Variants in ELP2 observed in about 807,000 individuals in gnomAD.
ELP2 encodes elongator complex protein 2.
ELP2 carries 90 observed loss-of-function variants against 119.2 expected under a neutral mutation model. The ratio of observed to expected loss-of-function variants is 0.75; its 90% confidence interval spans 0.64 to 0.90. ELP2 has a LOEUF of 0.90. Among genes scored for constraint, ELP2 ranks in the 40% least tolerant of loss-of-function variants. The probability of loss-of-function intolerance (pLI) is 0.00; values close to 1 mark genes in which losing one functional copy is unlikely to be tolerated. For missense variants in ELP2, 921 were observed against 967.8 expected (o/e 0.95, Z 0.64); for synonymous variants, 339 against 331.0 (o/e 1.02, Z -0.26).
Position 36,167,304 on chromosome 18 carries a change from C to G in ELP2, c.2076+82C>G, listed in dbSNP as rs533596199. The G allele has an allele frequency of 5.6e-5, 61 of 1,080,302 alleles. No homozygotes were observed. The African/African-American group carries it at 8.0e-4, about 14-fold the overall frequency. 66.9% of individuals were successfully genotyped at this position (1,080,302 alleles called of 1,614,324 possible). ...ATGTTTGAATAAAAAATGCATAATC[C>G]TGCCTTTCTGTTACAGCTTTTAAAA... On this transcript the variant is annotated intron_variant, in intron 19 of 21. Transcript: ENST00000358232.
chr18:36,159,896 A>T, intron 15 of ELP2, 62 bp from the exon 16 acceptor site: 2 of 1,603,450 alleles, frequency 1.2e-6, no homozygotes. Context: ...ATTGCTGCTG[A>T]CCTAAATAAG....
In ELP2 at chr18:36,138,790, C is replaced by T; in HGVS notation, c.446-5C>T. 5 of 1,612,332 alleles carry T rather than the reference C, an allele frequency of 3.1e-6. No individual in the cohort carries two copies. Among genetic ancestry groups the T allele is most frequent in the Non-Finnish European group, 4.2e-6 (5 of 1,178,532 alleles). The stretch of plus-strand genomic sequence containing the variant: ...TTGTTCATTGTGTTTTTTATTATTT[C>T]TTAGTAATGTGCCTTCAGACTTTAA... On this transcript the variant is annotated splice_polypyrimidine_tract_variant and splice_region_variant and intron_variant, in intron 4 of 21. Coordinates refer to ENST00000358232, the MANE Select transcript of ELP2 (RefSeq NM_018255.4).
chr18:36,176,359 C>G lies in ELP2; in HGVS notation c.*1718C>G, dbSNP rs535344541. 3.3e-5 allele frequency: 5 copies of G among 152,284 alleles called. No homozygotes were observed. The highest frequency in any genetic ancestry group is 1.2e-4 in the African/African-American group (5 of 41,536). The allele number at this position is 152,284 out of a possible 1,614,324, so 9.4% of individuals were successfully genotyped here. A position where few individuals can be genotyped will look rare whatever the true frequency, so the allele number is the denominator to read the frequency against. On this transcript the variant is annotated 3_prime_UTR_variant, in exon 22 of 22. Coordinates refer to ENST00000358232, the MANE Select transcript of ELP2 (RefSeq NM_018255.4). ...AACCTCAAAGACCAAAATGCCCTGC[C>G]CATTTTCCTGCTTATCAGCTGAGGA... is the stretch of plus-strand genomic sequence containing the variant.
intron 17 of ELP2, among the ~76,000 whole-genome samples, chr18:36,163,271 G>GTGTGTGTGTGT (rs1555644831): frequency 6.9e-6 from 1 of 145,772 alleles, no homozygotes; most frequent in African/African-American, 2.6e-5. Flanking sequence ...AGTAGTTCAT[G>GTGTGTGTGTGT]GGGGGTGTGT....
At chr18:36,172,220 T>A (rs935204771) in intron 21 of ELP2, among the ~76,000 whole-genome samples, 9 of 152,130 alleles carry the variant, frequency 5.9e-5, no homozygotes, top group Admixed American at 5.2e-4. Context: ...CAAGCCATAA[T>A]CACACCATTG....
intron 8 of ELP2, 147 bp from the exon 9 acceptor site, chr18:36,144,792 T>C (rs745803823): frequency 1.9e-5 from 12 of 640,858 alleles, no homozygotes; most frequent in Non-Finnish European, 2.5e-5. Context: ...TGAAGAAATT[T>C]AGAATGCATG....
At chr18:36,160,152 G>A (rs982308479) in intron 16 of ELP2, 137 bp downstream of exon 16, 4 of 750,512 alleles carry the variant, frequency 5.3e-6, no homozygotes, top group Non-Finnish European at 9.4e-6. Flanking sequence ...TCTCTTAGTG[G>A]CTCTTCATAA....
chr18:36,154,066 CTTTTT>C (rs71166099), intron 11 of ELP2, among the ~76,000 whole-genome samples: 1 of 115,874 alleles, frequency 8.6e-6, no homozygotes, highest in Non-Finnish European at 1.8e-5. Flanking sequence ...TTGTCACAGG[CTTTTT>C]TTTTTTTTTT....
intron 5 of ELP2, among the ~76,000 whole-genome samples, chr18:36,140,001 C>T (rs753469490): frequency 1.3e-5 from 2 of 151,920 alleles, no homozygotes; most frequent in East Asian, 1.9e-4. Context: ...TGCTCCACCA[C>T]GCCCAGCTAA....
chr18:36,144,205 G>C (rs1177176541), intron 8 of ELP2, among the ~76,000 whole-genome samples: 1 of 151,916 alleles, frequency 6.6e-6, no homozygotes, highest in African/African-American at 2.4e-5. Flanking sequence ...ATTAGGAGTA[G>C]CTATACCCAA....
In ELP2 at chr18:36,171,024, T is replaced by G. The variant is rs945969065; in HGVS notation, c.2211-23T>G. On this transcript the variant is annotated intron_variant, in intron 20 of 21. Coordinates refer to ENST00000358232, the MANE Select transcript of ELP2 (RefSeq NM_018255.4). ...CAATTTCATGCTAAGTTAATCACTG[T>G]TGTCCCCCTCCCTTAAAAACAGATA... The G allele has an allele frequency of 3.4e-6, 5 of 1,485,040 alleles. No individual in the cohort carries two copies. In the Admixed American group the frequency reaches 8.3e-5, roughly 25 times the overall value. The allele number at this position is 1,485,040 out of a possible 1,614,324, so 92.0% of individuals were successfully genotyped here. A position where few individuals can be genotyped will look rare whatever the true frequency, so the allele number is the denominator to read the frequency against.
chr18:36,170,043 G>A lies in ELP2; in HGVS notation c.2077-20G>A. The A allele has an allele frequency of 6.2e-7, 1 of 1,614,166 alleles. No individual in the cohort carries two copies. On this transcript the variant is annotated intron_variant, in intron 19 of 21. Coordinates refer to ENST00000358232, the MANE Select transcript of ELP2 (RefSeq NM_018255.4). Reference sequence around the variant, plus strand: ...CCTTGCAAAGAGAAGGCTTTACAGTGTGTGATCTGTCTGTATTAGGTGGTT... The same window carrying A: ...CCTTGCAAAGAGAAGGCTTTACAGTATGTGATCTGTCTGTATTAGGTGGTT...
intron 11 of ELP2, 118 bp downstream of exon 11, chr18:36,146,499 A>T: frequency 8.7e-7 from 1 of 1,146,986 alleles, no homozygotes; most frequent in Non-Finnish European, 1.3e-6. Context: ...AGTTCAAGTG[A>T]CATAACTTTT....
At chr18:36,139,443 A>G in intron 5 of ELP2, 1 of 1,535,650 alleles carries the variant, frequency 6.5e-7, no homozygotes, top group Non-Finnish European at 8.7e-7. Flanking sequence ...GGCCAGGTGG[A>G]ACGAGGCAGG....
At chr18:36,151,313 G>T (rs1323118384) in intron 11 of ELP2, among the ~76,000 whole-genome samples, 1 of 151,514 alleles carries the variant, frequency 6.6e-6, no homozygotes, top group Non-Finnish European at 1.5e-5. Context: ...AGACTCCTGG[G>T]CTCAAGCAGT....
intron 5 of ELP2, chr18:36,139,623 G>A: frequency 6.6e-7 from 1 of 1,513,606 alleles, no homozygotes; most frequent in Non-Finnish European, 8.8e-7. Flanking sequence ...AGTGACTGGA[G>A]TTTTGTTTTT....
chr18:36,146,837 A>G (rs1235548872), intron 11 of ELP2, among the ~76,000 whole-genome samples: 1 of 151,796 alleles, frequency 6.6e-6, no homozygotes. Context: ...CCCGTCTCCA[A>G]AAAAAAAGAG....
chr18:36,173,632 T>G (rs2144840285), intron 21 of ELP2, among the ~76,000 whole-genome samples: 1 of 152,310 alleles, frequency 6.6e-6, no homozygotes, highest in South Asian at 2.1e-4. Flanking sequence ...GGAGGACTGA[T>G]TTTTAAAATG....
rs941046292 is a variant in ELP2, at chr18:36,145,149, C to T, written c.892+115C>T. On this transcript the variant is annotated intron_variant, in intron 9 of 21. Transcript: ENST00000358232. ...GTGATTAGAAATCTCAAATACATGA[C>T]ATTTTCAAGTTGACAAAGTATAATA... is the stretch of plus-strand genomic sequence containing the variant. The T allele has an allele frequency of 7.3e-6, 6 of 816,612 alleles. No individual in the cohort carries two copies. The African/African-American group carries it at 1.0e-4, about 14-fold the overall frequency. 50.6% of individuals were successfully genotyped at this position (816,612 alleles called of 1,614,324 possible).
Sources: gnomAD v4.1 joint callset for allele counts (sites outside exome capture counted in the v4.1 genomes callset) on GRCh38, gnomAD v4.1.1 for gene constraint, MANE v1.5 for transcripts, NCBI Gene and HGNC (gene_info 2026-07-23, HGNC 2026-07-21) for gene names.